Variants in RASA3 observed in about 807,000 individuals in gnomAD.
RASA3 encodes RAS p21 protein activator 3, also known as ras GTPase-activating protein 3.
Under a neutral mutation model 110.0 loss-of-function variants are expected in RASA3, and 73 were observed. The observed-to-expected ratio is 0.66, with a 90% CI of 0.55 to 0.81. The LOEUF (loss-of-function observed/expected upper bound fraction) is 0.81, where lower values mean the gene tolerates loss of function less well. Ranked by LOEUF, RASA3 falls within the 30% of genes least tolerant of loss-of-function variation. RASA3 has a pLI of 0.00. For synonymous variants in RASA3, 500 were observed against 451.4 expected, an observed-to-expected ratio of 1.11 and a Z score of -1.37; for missense variants, 976 against 1,113.2, an observed-to-expected ratio of 0.88 and a Z score of 1.75.
chr13:114,072,413 C>T (rs1324551453), intron 2 of RASA3, among the ~76,000 whole-genome samples: 2 of 152,204 alleles, frequency 1.3e-5, no homozygotes, highest in Admixed American at 6.5e-5. Context: ...TGACTCCTCT[C>T]TTCCTCAAAT....
chr13:114,070,915 C>A (rs1481372997), intron 2 of RASA3, among the ~76,000 whole-genome samples: 1 of 125,576 alleles, frequency 8.0e-6, no homozygotes, highest in African/African-American at 3.4e-5. Flanking sequence ...CAGTTTTACA[C>A]GTGGGCAGGG....
intron 3 of RASA3, among the ~76,000 whole-genome samples, chr13:114,051,091 G>A (rs1260379602): frequency 6.6e-6 from 1 of 152,144 alleles, no homozygotes; most frequent in Non-Finnish European, 1.5e-5. Context: ...CAGCACCCTC[G>A]TGGCCTCGCT....
At chr13:114,100,324 C>T (rs2080040342) in intron 1 of RASA3, among the ~76,000 whole-genome samples, 1 of 152,110 alleles carries the variant, frequency 6.6e-6, no homozygotes, top group Admixed American at 6.5e-5. Flanking sequence ...GAGCTTCGGC[C>T]ATGGGGTGCA....
Position 114,057,850 on chromosome 13 carries a change from TG to T in RASA3, c.174-5696del, listed in dbSNP as rs1433212524. Among the ~76,000 whole-genome samples, 1 of 152,106 alleles carries T rather than the reference TG, an allele frequency of 6.6e-6. No individual in the cohort carries two copies. Among genetic ancestry groups the T allele is most frequent in the African/African-American group, 2.4e-5 (1 of 41,414 alleles). On this transcript the variant is annotated intron_variant, in intron 2 of 23. Transcript: ENST00000334062. The surrounding 1 kb of genome is among the most constrained non-coding windows in gnomAD (Gnocchi z 5.0). The stretch of plus-strand genomic sequence containing the variant: ...AGGGGACCCAGAACAATGGCTTCCC[TG>T]GGGTGCGGGCTCGGCCTGCAGGATG...
intron 1 of RASA3, among the ~76,000 whole-genome samples, chr13:114,078,267 T>C (rs2079725943): frequency 6.6e-6 from 1 of 152,250 alleles, no homozygotes; most frequent in Non-Finnish European, 1.5e-5. Context: ...AAACAGTTCA[T>C]TCAGTTACCT....
chr13:114,108,191 G>A (rs980906908), intron 1 of RASA3, among the ~76,000 whole-genome samples: 5 of 149,102 alleles, frequency 3.4e-5, no homozygotes, highest in Non-Finnish European at 6.0e-5. Context: ...CCGTCACCCC[G>A]CAGCTGTCAT....
intron 11 of RASA3, 52 bp from the exon 12 acceptor site, chr13:114,017,403 A>G: frequency 6.9e-7 from 1 of 1,452,986 alleles, no homozygotes; most frequent in Non-Finnish European, 9.6e-7. Flanking sequence ...GCGGAAGTGC[A>G]GACGGAGCAG....
rs1483590890 is a variant in RASA3, at chr13:114,065,142, C to T, written c.173+8578G>A. 6.6e-6 allele frequency among the ~76,000 whole-genome samples: 1 copy of T among 152,260 alleles called. No individual in the cohort carries two copies. The highest frequency in any genetic ancestry group is 2.4e-5 in the African/African-American group (1 of 41,482). On this transcript the variant is annotated intron_variant, in intron 2 of 23. Transcript: ENST00000334062. The surrounding 1 kb of genome is among the most constrained non-coding windows in gnomAD (Gnocchi z 4.1). ...AAACCATCTGAACTGAATTCCTCCT[C>T]CTCCTGGAGCCTGGAGCAGGGGCTC... is the stretch of plus-strand genomic sequence containing the variant.
rs148948159 is a variant in RASA3 at position 114,022,437 on chromosome 13, C to T, written c.681-929G>A. ...CCCTACCCACGGGCCTGAAACCACA[C>T]AGTTACACGTGGCCAGCCCTACCCA... On this transcript the variant is annotated intron_variant, in intron 8 of 23. Coordinates refer to ENST00000334062, the MANE Select transcript of RASA3 (RefSeq NM_007368.4). 7.6e-3 allele frequency among the ~76,000 whole-genome samples: 1,150 copies of T among 152,282 alleles called. 10 individuals carry two copies. The highest frequency in any genetic ancestry group is 0.012 in the Non-Finnish European group (797 of 68,008).
At chr13:113,995,792 GGTCCGGCT>G (rs2053229584) in intron 21 of RASA3, among the ~76,000 whole-genome samples, 6 of 56,816 alleles carry the variant, frequency 1.1e-4, no homozygotes, top group African/African-American at 3.2e-4. Flanking sequence ...GCTGACGGGG[GGTCCGGCT>G]GATGGGGGTC....
intron 4 of RASA3, 76 bp downstream of exon 4, chr13:114,040,924 A>G: frequency 1.5e-6 from 2 of 1,371,812 alleles, no homozygotes; most frequent in Non-Finnish European, 1.0e-6. Flanking sequence ...CTTTAGCCAC[A>G]GTCGGAGCCG....
chr13:113,997,880 C>T (rs577750752), intron 20 of RASA3, among the ~76,000 whole-genome samples: 22 of 152,258 alleles, frequency 1.4e-4, no homozygotes, highest in African/African-American at 4.6e-4. Flanking sequence ...AGGAGCCTCC[C>T]GCCTTGCACC....
At chr13:113,996,423 T>C in intron 21 of RASA3, 108 bp downstream of exon 21, 1 of 1,154,822 alleles carries the variant, frequency 8.7e-7, no homozygotes, top group Non-Finnish European at 1.2e-6. Flanking sequence ...GCCCTGTTTA[T>C]GTGCAGCTTA....
At chr13:114,000,134 TG>T (rs559758719) in intron 19 of RASA3, among the ~76,000 whole-genome samples, 17 of 68,812 alleles carry the variant, frequency 2.5e-4, no homozygotes, top group South Asian at 6.6e-4. Flanking sequence ...GGGTCTCTGC[TG>T]GGGGGGGTCT....
At chr13:114,041,209 A>T in intron 3 of RASA3, 115 bp from the exon 4 acceptor site, 1 of 902,156 alleles carries the variant, frequency 1.1e-6, no homozygotes, top group Non-Finnish European at 1.7e-6. Context: ...TTAATTCAGA[A>T]TGGGGCACCG....
chr13:113,999,685 T>C lies in RASA3; in HGVS notation c.1850-18A>G, dbSNP rs564418604. ...CTGGTCCCCTGCAGCAGAGATGGAC[T>C]GTCAGTGGGTGCGGGCCCCGCTGTC... is the stretch of plus-strand genomic sequence containing the variant. On this transcript the variant is annotated intron_variant, in intron 19 of 23. Transcript: ENST00000334062. 5.6e-6 allele frequency: 9 copies of C among 1,598,548 alleles called. No individual in the cohort carries two copies. Among genetic ancestry groups the C allele is most frequent in the African/African-American group, 4.1e-5 (3 of 73,230 alleles).
intron 22 of RASA3, among the ~76,000 whole-genome samples, chr13:113,982,789 C>T (rs903390327): frequency 5.9e-5 from 9 of 152,180 alleles, no homozygotes; most frequent in Admixed American, 2.0e-4. Context: ...AGGGGATGGG[C>T]GTCCCTATAG....
chr13:114,030,538 G>T (rs113725557), intron 4 of RASA3, among the ~76,000 whole-genome samples: 1 of 121,722 alleles, frequency 8.2e-6, no homozygotes, highest in Non-Finnish European at 1.9e-5. Flanking sequence ...TCACACAGAG[G>T]GCAAGACTCA....
chr13:114,015,843 G>A (rs182836184), intron 13 of RASA3, among the ~76,000 whole-genome samples: 9 of 152,276 alleles, frequency 5.9e-5, no homozygotes, highest in Admixed American at 5.9e-4. Context: ...AGGAGCCGGG[G>A]CGGAGGCAGA....
Sources: allele counts gnomAD v4.1 joint callset (sites outside exome capture counted in the v4.1 genomes callset), GRCh38; gene constraint gnomAD v4.1.1; non-coding constraint Gnocchi (gnomAD v3.1); transcripts MANE v1.5; gene names NCBI Gene and HGNC (gene_info 2026-07-23, HGNC 2026-07-21).